The following CTNNA2 variants were observed in gnomAD, a reference collection of about 807,000 sequenced individuals.
CTNNA2 encodes catenin alpha 2, also known as catenin alpha-2.
Under a neutral mutation model 101.0 loss-of-function variants are expected in CTNNA2, and 42 were observed. The observed-to-expected ratio is 0.42, with a 90% CI of 0.32 to 0.54. CTNNA2 has a LOEUF of 0.54. Among genes scored for constraint, CTNNA2 ranks in the 20% least tolerant of loss-of-function variants. The pLI is 0.14. For synonymous variants in CTNNA2, 450 were observed against 456.4 expected (o/e 0.99, Z 0.18); for missense variants, 871 against 1,223.1 (o/e 0.71, Z 4.29).
At chr2:79,446,221 A>G (rs1245653584) in intron 4 of CTNNA2, among the ~76,000 whole-genome samples, 4 of 151,946 alleles carry the variant, frequency 2.6e-5, no homozygotes, top group Non-Finnish European at 1.5e-5. Flanking sequence ...TTTGCCCCAC[A>G]ATATTCTAAG....
At chr2:79,201,459 G>A (rs4366931) in intron 2 of CTNNA2, among the ~76,000 whole-genome samples, 24,840 of 151,888 alleles carry the variant, frequency 0.16, 2,206 homozygotes, top group Middle Eastern at 0.18. Flanking sequence ...CTTCCCTGTT[G>A]GAAATGAGCT....
intron 7 of CTNNA2, among the ~76,000 whole-genome samples, chr2:80,111,810 G>A (rs1219808850): frequency 6.6e-6 from 1 of 152,212 alleles, no homozygotes; most frequent in East Asian, 1.9e-4. Flanking sequence ...TTATAGGCAT[G>A]AGCCACTGTG....
At chr2:79,356,397 G>C (rs1031890698) in intron 3 of CTNNA2, among the ~76,000 whole-genome samples, 1 of 151,990 alleles carries the variant, frequency 6.6e-6, no homozygotes, top group African/African-American at 2.4e-5. Flanking sequence ...CCATTTTGTA[G>C]TTTGCATTCT....
intron 7 of CTNNA2, among the ~76,000 whole-genome samples, chr2:80,213,424 T>C (rs9750144): frequency 0.2 from 29,821 of 151,974 alleles, 4,119 homozygotes; most frequent in African/African-American, 0.38. Flanking sequence ...TCTTTGTTCT[T>C]ATTGGTTTCA....
chr2:79,585,805 C>G (rs979738243), intron 1 of CTNNA2, among the ~76,000 whole-genome samples: 1 of 151,132 alleles, frequency 6.6e-6, no homozygotes, highest in African/African-American at 2.4e-5. Flanking sequence ...CATTGCAGGT[C>G]CCTTCAGTAT....
intron 7 of CTNNA2, among the ~76,000 whole-genome samples, chr2:79,911,199 G>A (rs931201675): frequency 6.6e-6 from 1 of 152,190 alleles, no homozygotes; most frequent in Admixed American, 6.5e-5. Flanking sequence ...AATAGCAGAT[G>A]TGTCAACGAA....
At chr2:79,608,569 G>C (rs972413222) in intron 1 of CTNNA2, among the ~76,000 whole-genome samples, 1 of 151,978 alleles carries the variant, frequency 6.6e-6, no homozygotes, top group African/African-American at 2.4e-5. Flanking sequence ...TCATGACTAA[G>C]TGAGATTTAT....
At chr2:80,142,594 T>G (rs78402436) in intron 7 of CTNNA2, among the ~76,000 whole-genome samples, 2 of 152,302 alleles carry the variant, frequency 1.3e-5, no homozygotes, top group African/African-American at 4.8e-5. Context: ...ATACCCTGTG[T>G]GTAGCTGAGA....
chr2:80,517,201 G>A (rs1689176470), intron 9 of CTNNA2, among the ~76,000 whole-genome samples: 1 of 152,216 alleles, frequency 6.6e-6, no homozygotes, highest in African/African-American at 2.4e-5. Context: ...GTGGAGGAAA[G>A]CATTTGCACC....
At chr2:80,289,161 A>G (rs1263473317) in intron 7 of CTNNA2, 1 of 152,176 alleles carries the variant, frequency 6.6e-6, no homozygotes, top group Non-Finnish European at 1.5e-5. Context: ...GTCTGCTCAG[A>G]GAAGGAGGAC....
At chr2:80,202,656 A>C (rs1707277441) in intron 7 of CTNNA2, among the ~76,000 whole-genome samples, 1 of 152,170 alleles carries the variant, frequency 6.6e-6, no homozygotes, top group African/African-American at 2.4e-5. Flanking sequence ...ATATTAATTA[A>C]AATAGCACAA....
intron 7 of CTNNA2, among the ~76,000 whole-genome samples, chr2:80,097,968 G>A (rs1032715352): frequency 1.3e-5 from 2 of 151,960 alleles, no homozygotes; most frequent in East Asian, 1.9e-4. Context: ...CCTTTAGCTC[G>A]GAGTAGTTCG....
intron 2 of CTNNA2, among the ~76,000 whole-genome samples, chr2:79,665,960 T>C (rs907987945): frequency 4.6e-5 from 7 of 152,220 alleles, no homozygotes; most frequent in Admixed American, 3.3e-4. Flanking sequence ...TTCTAAACTG[T>C]AGTTTTCAAT....
At chr2:80,341,883 GA>G (rs1202538244) in intron 7 of CTNNA2, among the ~76,000 whole-genome samples, 6 of 152,132 alleles carry the variant, frequency 3.9e-5, no homozygotes, top group Non-Finnish European at 4.4e-5. Flanking sequence ...CTGATGAATA[GA>G]AAAGCAAAAT....
intron 7 of CTNNA2, among the ~76,000 whole-genome samples, chr2:80,208,567 A>G (rs1707677644): frequency 6.6e-6 from 1 of 152,118 alleles, no homozygotes; most frequent in African/African-American, 2.4e-5. Flanking sequence ...GGGAGGCAGG[A>G]TTGTTACCTT....
At chr2:79,462,170 G>C (rs1395208391) in intron 4 of CTNNA2, among the ~76,000 whole-genome samples, 4 of 152,132 alleles carry the variant, frequency 2.6e-5, no homozygotes, top group Admixed American at 6.5e-5. Context: ...AGATATAAAA[G>C]ATAAGACTTA....
At chr2:80,226,601 G>C (rs1350584588) in intron 7 of CTNNA2, among the ~76,000 whole-genome samples, 4 of 152,164 alleles carry the variant, frequency 2.6e-5, no homozygotes, top group Non-Finnish European at 4.4e-5. Flanking sequence ...CTTATATGCT[G>C]TACACAGACA....
intron 18 of CTNNA2, among the ~76,000 whole-genome samples, chr2:80,627,110 A>G (rs975458006): frequency 6.6e-6 from 1 of 152,104 alleles, no homozygotes; most frequent in Non-Finnish European, 1.5e-5. Context: ...AACCCATTCT[A>G]TCATTGATGG....
intron 7 of CTNNA2, among the ~76,000 whole-genome samples, chr2:79,919,905 C>G (rs760919262): frequency 2.0e-5 from 3 of 152,148 alleles, no homozygotes; most frequent in Non-Finnish European, 4.4e-5. Context: ...GTCTCTAACA[C>G]CTCTCCATGC....
Sources: allele counts gnomAD v4.1 joint callset (sites outside exome capture counted in the v4.1 genomes callset), GRCh38; gene constraint gnomAD v4.1.1; transcripts MANE v1.5; gene names NCBI Gene and HGNC (gene_info 2026-07-23, HGNC 2026-07-21).